TMPRSS9: variants seen among roughly 807,000 people sequenced by gnomAD.
TMPRSS9 encodes transmembrane protease serine 9.
Under a neutral mutation model 111.4 loss-of-function variants are expected in TMPRSS9, and 113 were observed. That is an observed-to-expected ratio of 1.01 (90% CI 0.87 to 1.19). The LOEUF is 1.19. Ranked by LOEUF, TMPRSS9 falls within the 50% of genes most tolerant of loss-of-function variation. The probability of loss-of-function intolerance (pLI) is 0.00; values close to 1 mark genes in which losing one functional copy is unlikely to be tolerated. For missense variants in TMPRSS9, 1,803 were observed against 1,513.1 expected, an observed-to-expected ratio of 1.19 and a Z score of -3.18; for synonymous variants, 805 against 659.1, an observed-to-expected ratio of 1.22 and a Z score of -3.39.
In TMPRSS9 at chr19:2,390,274, T is replaced by G. The variant is rs1418318963; in HGVS notation, c.142+347T>G. On this transcript the variant is annotated intron_variant, in intron 1 of 17. Coordinates refer to ENST00000648592, the Ensembl canonical transcript of TMPRSS9. ...TTTTTTTTTTGAGACGGAGTCTCTC[T>G]CTGTCGCCCAGGCTGGAGTGCAGTG... Among the ~76,000 whole-genome samples the G allele has an allele frequency of 5.0e-4, 50 of 100,772 alleles. 1 individual carries two copies. Among genetic ancestry groups the G allele is most frequent in the Admixed American group, 3.5e-3 (41 of 11,568 alleles). The allele number at this position is 100,772 out of a possible 152,430, so 66.1% of individuals were successfully genotyped here. A position where few individuals can be genotyped will look rare whatever the true frequency, so the allele number is the denominator to read the frequency against.
intron 1 of TMPRSS9, among the ~76,000 whole-genome samples, chr19:2,394,760 A>G (rs750263375): frequency 6.7e-6 from 1 of 148,758 alleles, no homozygotes; most frequent in East Asian, 2.0e-4. Flanking sequence ...TGCTATTTGC[A>G]TGGTTTAAAT....
rs546001732 is a variant in TMPRSS9, at chr19:2,401,898, G to A, written c.515-77G>A. ...GCTGGGATTACAGGTGTGAGCCACC[G>A]CGCCCGGCCAATAGGATGTGTTCAA... On this transcript the variant is annotated intron_variant, in intron 4 of 17. Coordinates refer to ENST00000648592, the Ensembl canonical transcript of TMPRSS9. 58 of 1,352,262 alleles carry A rather than the reference G, an allele frequency of 4.3e-5. 3 individuals carry two copies. Among genetic ancestry groups the A allele is most frequent in the South Asian group, 3.3e-4 (27 of 81,374 alleles). 83.8% of individuals were successfully genotyped at this position (1,352,262 alleles called of 1,614,324 possible).
chr19:2,389,845 T>A (rs766504869), exon 1 of TMPRSS9: 12 of 1,613,938 alleles, frequency 7.4e-6, no homozygotes, highest in Non-Finnish European at 9.3e-6. Flanking sequence ...AAGTCCCCGC[T>A]CTGGATGCCG....
intron 1 of TMPRSS9, among the ~76,000 whole-genome samples, chr19:2,373,091 C>A (rs1237129095): frequency 1.3e-5 from 2 of 152,110 alleles, no homozygotes; most frequent in African/African-American, 4.8e-5. Context: ...CCTTGGCCTC[C>A]CAAGGTGCTG....
chr19:2,362,130 T>G (rs1014405305), intron 1 of TMPRSS9, among the ~76,000 whole-genome samples: 2 of 152,088 alleles, frequency 1.3e-5, no homozygotes, highest in Admixed American at 1.3e-4. Flanking sequence ...AGTGATCGTT[T>G]ATGTTGTGTA....
upstream of TMPRSS9, among the ~76,000 whole-genome samples, chr19:2,385,376 A>C (rs1970458320): frequency 6.6e-6 from 1 of 152,162 alleles, no homozygotes; most frequent in Non-Finnish European, 1.5e-5. Flanking sequence ...TTCTCGCGGA[A>C]AATGGGTGGA....
intron 1 of TMPRSS9, among the ~76,000 whole-genome samples, chr19:2,375,420 G>A (rs1397692304): frequency 6.8e-6 from 1 of 146,612 alleles, no homozygotes; most frequent in African/African-American, 2.7e-5. Flanking sequence ...TCACTGATGG[G>A]GATGGAGGGG....
At chr19:2,400,762 T>C (rs1970818397) in intron 4 of TMPRSS9, among the ~76,000 whole-genome samples, 1 of 141,762 alleles carries the variant, frequency 7.1e-6, no homozygotes, top group African/African-American at 2.6e-5. Flanking sequence ...TCACCTGAGG[T>C]CAGGAGTTTG....
rs376254826 is a variant in TMPRSS9 at position 2,413,840 on chromosome 19, C to T, written c.1395C>T (p.Ile465=). The T allele has an allele frequency of 6.2e-6, 10 of 1,613,766 alleles. No individual in the cohort carries two copies. The East Asian group carries it at 1.8e-4, about 29-fold the overall frequency. The change falls in exon 10 of 18, where the codon ATC becomes ATT. Residue 465 remains isoleucine (I), a synonymous_variant. Transcript: ENST00000648592. ...GAGTCACCAGGCTACGTGACTGGATCCTGGAGGCCACCACCAAAGCCAGCA... is the reference window on the plus strand; with the variant it reads ...GAGTCACCAGGCTACGTGACTGGATTCTGGAGGCCACCACCAAAGCCAGCA...
chr19:2,364,250 C>T (rs781298240), intron 1 of TMPRSS9, among the ~76,000 whole-genome samples: 1 of 152,054 alleles, frequency 6.6e-6, no homozygotes, highest in Admixed American at 6.5e-5. Flanking sequence ...ATTTAGAAGC[C>T]CAAGAATGAA....
At chr19:2,425,480 T>C (rs770418288) in exon 17 of TMPRSS9, 2 of 1,587,830 alleles carry the variant, frequency 1.3e-6, no homozygotes, top group Middle Eastern at 1.7e-4. Flanking sequence ...CAGGGTGGCG[T>C]GGACAGCTGC....
intron 2 of TMPRSS9, 142 bp from the exon 4 acceptor site, chr19:2,398,652 TA>T: frequency 2.4e-6 from 1 of 408,606 alleles, no homozygotes; most frequent in Non-Finnish European, 4.4e-6. Context: ...TACATATAGA[TA>T]AAAATTTAAA....
intron 1 of TMPRSS9, among the ~76,000 whole-genome samples, chr19:2,382,883 T>C (rs566871716): frequency 1.3e-5 from 2 of 152,272 alleles, no homozygotes; most frequent in South Asian, 4.1e-4. Flanking sequence ...GTCTGGAATC[T>C]GCAGGGCAGG....
At chr19:2,401,752 C>T (rs538505093) in intron 4 of TMPRSS9, among the ~76,000 whole-genome samples, 27 of 151,508 alleles carry the variant, frequency 1.8e-4, no homozygotes, top group African/African-American at 5.8e-4. Flanking sequence ...GGATTACAGG[C>T]GCCCGGCACC....
chr19:2,396,223 C>T (rs1970703289), intron 1 of TMPRSS9: 4 of 257,276 alleles, frequency 1.6e-5, no homozygotes, highest in South Asian at 1.1e-4. Flanking sequence ...TGAGCAGGAC[C>T]TCTTTCTGCC....
intron 2 of TMPRSS9, among the ~76,000 whole-genome samples, chr19:2,396,927 C>CT (rs934622320): frequency 1.5e-4 from 21 of 142,996 alleles, no homozygotes; most frequent in African/African-American, 4.8e-4. Context: ...TTTTTTTTTT[C>CT]TTTTTTTTCT....
intron 13 of TMPRSS9, among the ~76,000 whole-genome samples, chr19:2,420,621 A>T (rs1372002037): frequency 6.6e-6 from 1 of 151,584 alleles, no homozygotes; most frequent in Non-Finnish European, 1.5e-5. Context: ...TTCTTCAATC[A>T]GACTTCTGAG....
exon 14 of TMPRSS9, chr19:2,421,888 C>G: frequency 6.2e-7 from 1 of 1,611,604 alleles, no homozygotes; most frequent in East Asian, 2.2e-5. Context: ...TGCGAGGAGG[C>G]CCCTGGCGTG....
At chr19:2,426,035 T>C in exon 18 of TMPRSS9, 1 of 1,609,060 alleles carries the variant, frequency 6.2e-7, no homozygotes, top group Non-Finnish European at 8.5e-7. Context: ...CCCAGGTGTC[T>C]ATACCCGGGT....
Sources: gnomAD v4.1 joint callset for allele counts (sites outside exome capture counted in the v4.1 genomes callset) on GRCh38, gnomAD v4.1.1 for gene constraint, MANE v1.5 for transcripts, NCBI Gene and HGNC (gene_info 2026-07-23, HGNC 2026-07-21) for gene names.